The following KCNIP4 variants were observed in gnomAD, a reference collection of about 807,000 sequenced individuals.
The protein encoded by KCNIP4 is Kv channel-interacting protein 4.
A neutral mutation model predicts 34.0 loss-of-function variants in KCNIP4; 12 were observed. That is an observed-to-expected ratio of 0.35 (90% CI 0.23 to 0.57). The LOEUF (loss-of-function observed/expected upper bound fraction) is 0.57, where lower values mean the gene tolerates loss of function less well. Ranked by LOEUF, KCNIP4 falls within the 20% of genes least tolerant of loss-of-function variation. KCNIP4 has a pLI of 0.83. For missense variants in KCNIP4, 238 were observed against 311.7 expected, an observed-to-expected ratio of 0.76 and a Z score of 1.78; for synonymous variants, 124 against 102.2, an observed-to-expected ratio of 1.21 and a Z score of -1.29.
chr4:21,774,335 G>A (rs533594306), intron 1 of KCNIP4, among the ~76,000 whole-genome samples: 1 of 152,276 alleles, frequency 6.6e-6, no homozygotes, highest in South Asian at 2.1e-4. Context: ...CCCTTTGGAG[G>A]TGACTTGGCC....
In KCNIP4 at chr4:20,959,357, G is replaced by A. The variant is rs557941726; in HGVS notation, c.62-76648C>T. ...ATTTAACTTGCTATGGTTTCAGACAGTGACACAGGTTTAAGGCTTGGCTCC... is the reference window on the plus strand; with the variant it reads ...ATTTAACTTGCTATGGTTTCAGACAATGACACAGGTTTAAGGCTTGGCTCC... On this transcript the variant is annotated intron_variant, in intron 1 of 8. Coordinates refer to ENST00000382152, the MANE Select transcript of KCNIP4 (RefSeq NM_025221.6). 3.7e-4 allele frequency among the ~76,000 whole-genome samples: 56 copies of A among 152,330 alleles called. No homozygotes were observed. In the South Asian group the frequency reaches 0.011, roughly 29 times the overall value.
At chr4:21,550,833 A>G (rs1738525330) in intron 1 of KCNIP4, among the ~76,000 whole-genome samples, 1 of 152,124 alleles carries the variant, frequency 6.6e-6, no homozygotes, top group Non-Finnish European at 1.5e-5. Context: ...CAAAAAAACC[A>G]CAGTTCTCAA....
chr4:21,920,625 T>G (rs1199829501), intron 1 of KCNIP4, among the ~76,000 whole-genome samples: 1 of 152,076 alleles, frequency 6.6e-6, no homozygotes, highest in Non-Finnish European at 1.5e-5. Flanking sequence ...ATAAAAATAA[T>G]TATAATTAAA....
chr4:21,446,928 A>C (rs891243324), intron 1 of KCNIP4, among the ~76,000 whole-genome samples: 9 of 152,062 alleles, frequency 5.9e-5, no homozygotes, highest in Non-Finnish European at 5.9e-5. Context: ...CAATCACTTT[A>C]GTTGAAGGAC....
At chr4:20,990,461 C>T (rs1367096367) in intron 1 of KCNIP4, among the ~76,000 whole-genome samples, 1 of 152,206 alleles carries the variant, frequency 6.6e-6, no homozygotes, top group Non-Finnish European at 1.5e-5. Flanking sequence ...ATTGAATCCA[C>T]AAGGTCGATT....
At chr4:20,752,216 G>A (rs914446862) in intron 4 of KCNIP4, among the ~76,000 whole-genome samples, 1 of 151,896 alleles carries the variant, frequency 6.6e-6, no homozygotes, top group Non-Finnish European at 1.5e-5. Flanking sequence ...CTGCCACCAT[G>A]CCCGGCGAAT....
chr4:21,101,165 C>A (rs1007058589), intron 1 of KCNIP4, among the ~76,000 whole-genome samples: 4 of 152,136 alleles, frequency 2.6e-5, no homozygotes, highest in Non-Finnish European at 4.4e-5. Flanking sequence ...CTGTATATGT[C>A]CATCTGTACG....
chr4:21,369,579 A>G (rs1720124655), intron 1 of KCNIP4, among the ~76,000 whole-genome samples: 1 of 147,004 alleles, frequency 6.8e-6, no homozygotes, highest in Non-Finnish European at 1.5e-5. Context: ...CCTGGGTGCC[A>G]GAGTGAGACC....
chr4:21,074,888 G>A (rs1037983892), intron 1 of KCNIP4, among the ~76,000 whole-genome samples: 2 of 151,984 alleles, frequency 1.3e-5, no homozygotes, highest in African/African-American at 2.4e-5. Flanking sequence ...CCTTCATTTC[G>A]TTATGTACCC....
Position 21,690,922 on chromosome 4 carries a change from G to C in KCNIP4, c.61+257649C>G, listed in dbSNP as rs111950151. ...CTTCTGGAATGTAAAAAAACATACA[G>C]AGAAATATTTGAGAGAAGTTTTACT... On this transcript the variant is annotated intron_variant, in intron 1 of 8. Transcript: ENST00000382152. Among the ~76,000 whole-genome samples the C allele has an allele frequency of 1.5e-3, 224 of 152,274 alleles. 2 individuals are homozygous for C. The highest frequency in any genetic ancestry group is 6.8e-3 in the Middle Eastern group (2 of 294).
chr4:21,562,459 G>A (rs529917174), intron 1 of KCNIP4, among the ~76,000 whole-genome samples: 2 of 152,080 alleles, frequency 1.3e-5, no homozygotes, highest in Admixed American at 6.6e-5. Flanking sequence ...GATAGCTTGT[G>A]GGAATCACTT....
At chr4:21,487,706 A>C (rs953461389) in intron 1 of KCNIP4, among the ~76,000 whole-genome samples, 2 of 152,114 alleles carry the variant, frequency 1.3e-5, no homozygotes, top group African/African-American at 4.8e-5. Context: ...TTATTCCATA[A>C]TTTGTTTCAA....
intron 1 of KCNIP4, among the ~76,000 whole-genome samples, chr4:21,156,102 ACT>A (rs1202062610): frequency 6.6e-6 from 1 of 152,138 alleles, no homozygotes; most frequent in Non-Finnish European, 1.5e-5. Flanking sequence ...AATAATAATA[ACT>A]CACAATTTTT....
chr4:20,851,147 G>A (rs984877346), intron 2 of KCNIP4, among the ~76,000 whole-genome samples: 1 of 152,064 alleles, frequency 6.6e-6, no homozygotes, highest in Non-Finnish European at 1.5e-5. Flanking sequence ...CATCGCCCAG[G>A]TATGAAGCCC....
chr4:21,771,726 C>T (rs1411095504), intron 1 of KCNIP4, among the ~76,000 whole-genome samples: 1 of 152,014 alleles, frequency 6.6e-6, no homozygotes, highest in Non-Finnish European at 1.5e-5. Flanking sequence ...TAGCTCTCGG[C>T]TTGCCTATTG....
In KCNIP4 at chr4:20,985,737, G is replaced by C. The variant is rs11938472; in HGVS notation, c.62-103028C>G. On this transcript the variant is annotated intron_variant, in intron 1 of 8. Transcript: ENST00000382152. ...CCAACACTTGAACAGATGTCTGCGC[G>C]GTACAGTGGGAAAACAAGGAGGGAA... 8.3e-3 allele frequency among the ~76,000 whole-genome samples: 1,263 copies of C among 152,184 alleles called. 18 individuals carry two copies. Among genetic ancestry groups the C allele is most frequent in the African/African-American group, 0.029 (1,194 of 41,512 alleles).
At chr4:21,116,658 T>C (rs988470059) in intron 1 of KCNIP4, among the ~76,000 whole-genome samples, 6 of 152,238 alleles carry the variant, frequency 3.9e-5, no homozygotes, top group Non-Finnish European at 8.8e-5. Flanking sequence ...TTTTGTTATA[T>C]CTGTAGTTAT....
At chr4:21,121,998 T>A (rs1174227475) in intron 1 of KCNIP4, among the ~76,000 whole-genome samples, 3 of 152,208 alleles carry the variant, frequency 2.0e-5, no homozygotes, top group Non-Finnish European at 4.4e-5. Context: ...CAGGCTCTGA[T>A]AATGAGTTAG....
rs537399810 is a variant in KCNIP4, at chr4:21,156,243, A to G, written c.62-273534T>C. Among the ~76,000 whole-genome samples, 3 of 152,298 alleles carry G rather than the reference A, an allele frequency of 2.0e-5. No individual in the cohort carries two copies. The East Asian group carries it at 5.8e-4, about 29-fold the overall frequency. On this transcript the variant is annotated intron_variant, in intron 1 of 8. Transcript: ENST00000382152. ...TATTGTGAAACGGTTGCTTGGAAGA[A>G]GCTGTCTAGCCAGGAACTGCATTTC...
Sources: allele counts gnomAD v4.1 joint callset (sites outside exome capture counted in the v4.1 genomes callset), GRCh38; gene constraint gnomAD v4.1.1; transcripts MANE v1.5; gene names NCBI Gene and HGNC (gene_info 2026-07-23, HGNC 2026-07-21).